DSCAM: variants seen among roughly 807,000 people sequenced by gnomAD.
The protein encoded by DSCAM is DS cell adhesion molecule, also known as cell adhesion molecule DSCAM.
A neutral mutation model predicts 217.7 loss-of-function variants in DSCAM; 47 were observed. The observed-to-expected ratio is 0.22, with a 90% CI of 0.17 to 0.28. The LOEUF (loss-of-function observed/expected upper bound fraction) is 0.28, where lower values mean the gene tolerates loss of function less well. Among genes scored for constraint, DSCAM ranks in the 10% least tolerant of loss-of-function variants. DSCAM has a pLI of 1.00. For synonymous variants in DSCAM, 1,056 were observed against 1,015.3 expected, an observed-to-expected ratio of 1.04 and a Z score of -0.76; for missense variants, 2,080 against 2,618.3, an observed-to-expected ratio of 0.79 and a Z score of 4.49.
intron 3 of DSCAM, among the ~76,000 whole-genome samples, chr21:40,425,447 T>A (rs535438707): frequency 5.9e-5 from 9 of 152,082 alleles, no homozygotes; most frequent in African/African-American, 2.2e-4. Flanking sequence ...GGCGCATGTA[T>A]ACATATGTAA....
At chr21:40,524,157 T>G (rs552536218) in intron 3 of DSCAM, among the ~76,000 whole-genome samples, 1 of 150,494 alleles carries the variant, frequency 6.6e-6, no homozygotes, top group South Asian at 2.2e-4. Context: ...CCAGATCTCA[T>G]GAGAGCTAAG....
At chr21:40,238,228 G>A (rs996027215) in intron 11 of DSCAM, among the ~76,000 whole-genome samples, 6 of 152,150 alleles carry the variant, frequency 3.9e-5, no homozygotes, top group African/African-American at 1.4e-4. Flanking sequence ...CTGTGGTCTG[G>A]AAAGTGGAAT....
intron 6 of DSCAM, among the ~76,000 whole-genome samples, chr21:40,340,917 T>C (rs981024922): frequency 2.0e-5 from 3 of 152,268 alleles, no homozygotes; most frequent in South Asian, 2.1e-4. Context: ...TAGTTCTTGG[T>C]CAGGGAGGCC....
intron 4 of DSCAM, among the ~76,000 whole-genome samples, chr21:40,357,093 T>A (rs139635357): frequency 6.6e-6 from 1 of 152,158 alleles, no homozygotes; most frequent in Non-Finnish European, 1.5e-5. Flanking sequence ...AACTGAAGAA[T>A]TCTATATTCC....
At chr21:40,565,636 C>T (rs1056129923) in intron 3 of DSCAM, among the ~76,000 whole-genome samples, 3 of 152,128 alleles carry the variant, frequency 2.0e-5, no homozygotes, top group African/African-American at 4.8e-5. Flanking sequence ...CTCAGTGCCT[C>T]GGGGGCTTCA....
In DSCAM at chr21:40,242,149, G is replaced by C. The variant is rs1017211551; in HGVS notation, c.2356+33948C>G. ...TGCATGTGTACCCCTGAACCTAAAA[G>C]TTTTTTTTTTTTTTTTAAAAGAAAG... On this transcript the variant is annotated intron_variant, in intron 11 of 32. Coordinates refer to ENST00000400454, the MANE Select transcript of DSCAM (RefSeq NM_001389.5). Among the ~76,000 whole-genome samples, 37 of 143,866 alleles carry C rather than the reference G, an allele frequency of 2.6e-4. No individual in the cohort carries two copies. In the South Asian group the frequency reaches 7.7e-3, roughly 30 times the overall value. The allele number at this position is 143,866 out of a possible 152,430, so 94.4% of individuals were successfully genotyped here. A position where few individuals can be genotyped will look rare whatever the true frequency, so the allele number is the denominator to read the frequency against.
chr21:40,036,309 T>C (rs1456324067), intron 32 of DSCAM, among the ~76,000 whole-genome samples: 2 of 149,364 alleles, frequency 1.3e-5, no homozygotes, highest in African/African-American at 5.1e-5. Context: ...ATCAAATAGA[T>C]GCAATAAAAA....
chr21:40,726,431 C>T (rs1022254867), intron 1 of DSCAM, among the ~76,000 whole-genome samples: 3 of 151,870 alleles, frequency 2.0e-5, no homozygotes, highest in South Asian at 4.1e-4. Flanking sequence ...GAAAAGAGGG[C>T]ATTCACAGTC....
intron 19 of DSCAM, among the ~76,000 whole-genome samples, chr21:40,124,672 G>A (rs2090075318): frequency 6.6e-6 from 1 of 152,128 alleles, no homozygotes; most frequent in East Asian, 1.9e-4. Flanking sequence ...ACAGGGAGAA[G>A]AGGGCATCTA....
chr21:40,065,449 T>G (rs1221078892), intron 27 of DSCAM, among the ~76,000 whole-genome samples: 1 of 151,928 alleles, frequency 6.6e-6, no homozygotes, highest in Non-Finnish European at 1.5e-5. Context: ...AAGAAAAAAA[T>G]TTAAAGTCCC....
At chr21:40,165,959 C>A (rs1601401790) in intron 16 of DSCAM, among the ~76,000 whole-genome samples, 1 of 152,130 alleles carries the variant, frequency 6.6e-6, no homozygotes, top group East Asian at 1.9e-4. Context: ...CCACACTCCT[C>A]GGCCTGCACT....
chr21:40,501,853 C>G (rs1020658493), intron 3 of DSCAM, among the ~76,000 whole-genome samples: 7 of 152,216 alleles, frequency 4.6e-5, no homozygotes, highest in African/African-American at 1.7e-4. Flanking sequence ...CTTGGCCTCC[C>G]AAAGTGCTGG....
intron 1 of DSCAM, among the ~76,000 whole-genome samples, chr21:40,734,714 G>A (rs990225161): frequency 2.6e-5 from 4 of 152,028 alleles, no homozygotes; most frequent in East Asian, 1.9e-4. Context: ...AATATGGCTC[G>A]TTCACACTTG....
chr21:40,550,741 C>A (rs2076623342), intron 3 of DSCAM, among the ~76,000 whole-genome samples: 1 of 152,180 alleles, frequency 6.6e-6, no homozygotes, highest in Non-Finnish European at 1.5e-5. Context: ...GAGAATTGGG[C>A]AGCCTCCAGA....
intron 3 of DSCAM, among the ~76,000 whole-genome samples, chr21:40,671,607 T>C (rs2090275336): frequency 6.9e-6 from 1 of 145,182 alleles, no homozygotes; most frequent in Non-Finnish European, 1.5e-5. Flanking sequence ...GAGAATTGCA[T>C]GAAACTGGGA....
chr21:40,774,706 C>A (rs1178009869), intron 1 of DSCAM, among the ~76,000 whole-genome samples: 1 of 151,924 alleles, frequency 6.6e-6, no homozygotes, highest in East Asian at 1.9e-4. Context: ...CATGTTCATA[C>A]TGGAAGCCAC....
intron 3 of DSCAM, among the ~76,000 whole-genome samples, chr21:40,642,428 C>G (rs533748318): frequency 6.6e-6 from 1 of 152,052 alleles, no homozygotes; most frequent in Non-Finnish European, 1.5e-5. Context: ...GAAATTACAC[C>G]GGAAAGAGCC....
intron 3 of DSCAM, among the ~76,000 whole-genome samples, chr21:40,603,665 T>A (rs2077079386): frequency 6.6e-6 from 1 of 152,304 alleles, no homozygotes; most frequent in Admixed American, 6.5e-5. Flanking sequence ...TCCTTCACTT[T>A]TGAAGAAACA....
chr21:40,611,038 C>G (rs1319754421), intron 3 of DSCAM, among the ~76,000 whole-genome samples: 1 of 149,248 alleles, frequency 6.7e-6, no homozygotes, highest in Non-Finnish European at 1.5e-5. Flanking sequence ...TAAAAAGAAA[C>G]AGGTGAAATT....
Sources: allele counts gnomAD v4.1 joint callset (sites outside exome capture counted in the v4.1 genomes callset), GRCh38; gene constraint gnomAD v4.1.1; transcripts MANE v1.5; gene names NCBI Gene and HGNC (gene_info 2026-07-23, HGNC 2026-07-21).